The following ERGIC1 variants were observed in gnomAD, a reference collection of about 807,000 sequenced individuals.
ERGIC1 encodes the protein endoplasmic reticulum-Golgi intermediate compartment protein 1.
A neutral mutation model predicts 38.3 loss-of-function variants in ERGIC1; 19 were observed. That is an observed-to-expected ratio of 0.50 (90% CI 0.35 to 0.73). The LOEUF (loss-of-function observed/expected upper bound fraction) is 0.73. ERGIC1 is among the 30% of genes least tolerant of loss of function. ERGIC1 has a pLI of 0.01. For synonymous variants in ERGIC1, 124 were observed against 157.6 expected (o/e 0.79, Z 1.60); for missense variants, 294 against 389.2 (o/e 0.76, Z 2.06).
At chr5:172,912,893 C>T (rs1202584049) in intron 4 of ERGIC1, among the ~76,000 whole-genome samples, 2 of 151,502 alleles carry the variant, frequency 1.3e-5, no homozygotes, top group Non-Finnish European at 2.9e-5. Flanking sequence ...CTCAGCCTCC[C>T]AAGTAGCTGG....
intron 1 of ERGIC1, among the ~76,000 whole-genome samples, chr5:172,856,362 A>G (rs1346696519): frequency 1.3e-5 from 2 of 152,268 alleles, no homozygotes; most frequent in East Asian, 1.9e-4. Flanking sequence ...TGCATGGAAC[A>G]GTGCTTGACT....
intron 1 of ERGIC1, among the ~76,000 whole-genome samples, chr5:172,887,008 G>A (rs1762439459): frequency 6.6e-6 from 1 of 152,208 alleles, no homozygotes; most frequent in South Asian, 2.1e-4. Flanking sequence ...TGGGAGCTAA[G>A]CAGGCGGCAG....
chr5:172,928,145 G>A (rs1318396395), intron 7 of ERGIC1, among the ~76,000 whole-genome samples: 1 of 152,204 alleles, frequency 6.6e-6, no homozygotes, highest in African/African-American at 2.4e-5. Context: ...CTGCAGCTAC[G>A]ATGGACCCTC....
chr5:172,947,118 G>T (rs549039442), intron 9 of ERGIC1, among the ~76,000 whole-genome samples: 2 of 151,106 alleles, frequency 1.3e-5, no homozygotes, highest in Admixed American at 1.3e-4. Flanking sequence ...CAGGAGTGGA[G>T]GTTGCAGTGA....
intron 8 of ERGIC1, 199 bp from the exon 9 acceptor site, chr5:172,934,989 A>G: frequency 1.5e-6 from 1 of 668,746 alleles, no homozygotes; most frequent in Non-Finnish European, 2.5e-6. Context: ...AAGGGTATCA[A>G]AAATGCCCAG....
rs373350713 is a variant in ERGIC1 at position 172,914,875 on chromosome 5, C to G, written c.375+37C>G. Reference sequence around the variant, plus strand: ...CTGCCTCAGCCCTTTCTACCTGCTCCCCTTTCCTGCTGTCTCCCCGCTCCC... The same window carrying G: ...CTGCCTCAGCCCTTTCTACCTGCTCGCCTTTCCTGCTGTCTCCCCGCTCCC... On this transcript the variant is annotated intron_variant, in intron 5 of 9. Transcript: ENST00000393784. 5.6e-6 allele frequency: 9 copies of G among 1,613,370 alleles called. No homozygotes were observed. The African/African-American group carries it at 8.0e-5, about 14-fold the overall frequency.
chr5:172,899,286 TG>T (rs1197363968), intron 3 of ERGIC1, among the ~76,000 whole-genome samples: 1 of 146,802 alleles, frequency 6.8e-6, no homozygotes, highest in Non-Finnish European at 1.5e-5. Flanking sequence ...CCTTCTGAGC[TG>T]CCAGGTAGAA....
chr5:172,913,953 G>A (rs920650052), intron 4 of ERGIC1, among the ~76,000 whole-genome samples: 1 of 152,286 alleles, frequency 6.6e-6, no homozygotes, highest in African/African-American at 2.4e-5. Context: ...ACTCTCTGAA[G>A]GCCAGGAACG....
chr5:172,914,638 C>T, intron 4 of ERGIC1, 76 bp from the exon 5 acceptor site: 1 of 1,612,494 alleles, frequency 6.2e-7, no homozygotes, highest in Non-Finnish European at 8.5e-7. Context: ...AATGAAGGCT[C>T]CCAGAGAGAA....
chr5:172,913,732 A>G (rs781077516), intron 4 of ERGIC1, among the ~76,000 whole-genome samples: 7 of 152,198 alleles, frequency 4.6e-5, no homozygotes, highest in Non-Finnish European at 8.8e-5. Flanking sequence ...TGCAGTTGGC[A>G]TTGGCCTGCC....
chr5:172,950,665 G>A, intron 9 of ERGIC1, 44 bp from the exon 10 acceptor site: 2 of 1,571,242 alleles, frequency 1.3e-6, no homozygotes, highest in Non-Finnish European at 1.7e-6. Context: ...TCATCCTCCA[G>A]CACTGACTTC....
intron 2 of ERGIC1, among the ~76,000 whole-genome samples, chr5:172,889,272 G>A (rs992255922): frequency 1.3e-5 from 2 of 152,152 alleles, no homozygotes; most frequent in Non-Finnish European, 2.9e-5. Flanking sequence ...CAACAAGAGC[G>A]AGACTCCATC....
chr5:172,841,500 G>T (rs771445695), intron 1 of ERGIC1, among the ~76,000 whole-genome samples: 19 of 152,322 alleles, frequency 1.2e-4, no homozygotes, highest in Middle Eastern at 6.8e-3. Flanking sequence ...AGGCAGATCC[G>T]CTTGAAATGG....
In ERGIC1 at chr5:172,837,417, A is replaced by C. The variant is rs1226474087; in HGVS notation, c.20+2984A>C. On this transcript the variant is annotated intron_variant, in intron 1 of 9. Transcript: ENST00000393784. The surrounding 1 kb of genome is among the most constrained non-coding windows in gnomAD (Gnocchi z 4.3). ...CACCCATCATCTCCTAACACATTAT[A>C]TAATTCACTTAATTATCATGCTGCT... 6.6e-6 allele frequency among the ~76,000 whole-genome samples: 1 copy of C among 152,210 alleles called. No homozygotes were observed. The highest frequency in any genetic ancestry group is 1.5e-5 in the Non-Finnish European group (1 of 68,024).
At chr5:172,919,253 G>A (rs560652964) in intron 5 of ERGIC1, among the ~76,000 whole-genome samples, 1 of 152,340 alleles carries the variant, frequency 6.6e-6, no homozygotes, top group East Asian at 1.9e-4. Context: ...AGGAAGCCCT[G>A]TCTGAAGACT....
intron 2 of ERGIC1, among the ~76,000 whole-genome samples, chr5:172,893,941 A>ATATATATATATATATATATATATATATG (rs1259799557): frequency 7.8e-5 from 3 of 38,664 alleles, no homozygotes; most frequent in African/African-American, 1.3e-4. Flanking sequence ...GTGTGTATAT[A>ATATATATATATATATATATATATATATG]TATATATATA....
intron 1 of ERGIC1, among the ~76,000 whole-genome samples, chr5:172,873,296 A>C (rs1327006776): frequency 6.6e-6 from 1 of 152,208 alleles, no homozygotes; most frequent in African/African-American, 2.4e-5. Context: ...TGCTCCCCCC[A>C]GCCCAGCACT....
intron 9 of ERGIC1, among the ~76,000 whole-genome samples, chr5:172,942,364 GC>G (rs972748478): frequency 4.6e-5 from 7 of 152,048 alleles, no homozygotes. Flanking sequence ...TCTCCTCTCT[GC>G]CCCCGCTACC....
intron 1 of ERGIC1, among the ~76,000 whole-genome samples, chr5:172,877,023 A>C (rs1283281230): frequency 6.6e-6 from 1 of 152,238 alleles, no homozygotes; most frequent in Non-Finnish European, 1.5e-5. Context: ...TAAAAAGATA[A>C]TCTTTGCCTA....
Sources: allele counts gnomAD v4.1 joint callset (sites outside exome capture counted in the v4.1 genomes callset), GRCh38; gene constraint gnomAD v4.1.1; non-coding constraint Gnocchi (gnomAD v3.1); transcripts MANE v1.5; gene names NCBI Gene and HGNC (gene_info 2026-07-23, HGNC 2026-07-21).